DMTF1: variants seen among roughly 807,000 people sequenced by gnomAD.
The protein encoded by DMTF1 is cyclin-D-binding Myb-like transcription factor 1.
In DMTF1, 39 loss-of-function variants were observed where a neutral mutation model predicts 91.1. The ratio of observed to expected loss-of-function variants is 0.43; its 90% CI spans 0.33 to 0.56. DMTF1 has a LOEUF of 0.56. DMTF1 is among the 20% of genes least tolerant of loss of function. DMTF1 has a pLI of 0.05. For synonymous variants in DMTF1, 338 were observed against 309.5 expected (o/e 1.09, Z -0.97); for missense variants, 750 against 914.5 (o/e 0.82, Z 2.32).
chr7:87,194,978 A>G, intron 17 of DMTF1, 53 bp from the exon 18 acceptor site: 3 of 1,508,454 alleles, frequency 2.0e-6, no homozygotes, highest in Non-Finnish European at 2.7e-6. Flanking sequence ...AATTCTTGAC[A>G]TGGATTAGAG....
intron 12 of DMTF1, chr7:87,186,869 A>G (rs1316312437): frequency 1.3e-5 from 2 of 152,174 alleles, no homozygotes; most frequent in East Asian, 3.9e-4. Context: ...ATTGATGACT[A>G]TATTTTTATT....
chr7:87,183,100 T>C (rs868867952), intron 10 of DMTF1, among the ~76,000 whole-genome samples: 1 of 152,160 alleles, frequency 6.6e-6, no homozygotes, highest in African/African-American at 2.4e-5. Flanking sequence ...AAAAAAAATT[T>C]CTGAAGTTTA....
chr7:87,156,420 TAAAAC>T (rs1790739845), intron 1 of DMTF1, among the ~76,000 whole-genome samples: 1 of 152,264 alleles, frequency 6.6e-6, no homozygotes, highest in South Asian at 2.1e-4. Context: ...TTTACCATCT[TAAAAC>T]CAAGCCATAG....
rs1794986842 is a variant in DMTF1 at position 87,171,177 on chromosome 7, A to G, written c.327+88A>G. 12 of 879,506 alleles carry G rather than the reference A, an allele frequency of 1.4e-5. No homozygotes were observed. In the South Asian group the frequency reaches 1.9e-4, roughly 14 times the overall value. 54.5% of individuals were successfully genotyped at this position (879,506 alleles called of 1,614,324 possible). A position where few individuals can be genotyped will look rare whatever the true frequency, so the allele number is the denominator to read the frequency against. The stretch of plus-strand genomic sequence containing the variant: ...AATGATGAGAAACCTCAGCCTCCCA[A>G]GTAGCGAGGACTACTGGCACATGCC... On this transcript the variant is annotated intron_variant, in intron 5 of 17. Transcript: ENST00000331242.
chr7:87,194,551 CCTTAA>C (rs1326616202), intron 16 of DMTF1, 128 bp from the exon 17 acceptor site: 72 of 621,290 alleles, frequency 1.2e-4, no homozygotes, highest in Admixed American at 3.8e-4. Context: ...CCCTGTGAGA[CCTTAA>C]CTTTTTATTT....
intron 14 of DMTF1, 96 bp downstream of exon 14, chr7:87,191,123 C>A: frequency 2.5e-6 from 2 of 785,558 alleles, no homozygotes; most frequent in South Asian, 1.8e-5. Flanking sequence ...TCATAAAAGT[C>A]TGAGGCCAAA....
At position 87,190,957 on chromosome 7, in the gene DMTF1, C is replaced by G; in HGVS notation, c.1424C>G (p.Ser475Cys). The change falls in exon 14 of 18, where the codon TCT (serine) becomes TGT (cysteine). Residue 475 changes from serine to cysteine, a missense_variant. Physicochemically the swap from Ser to Cys is moderately radical, Grantham distance 112. Transcript: ENST00000331242. ...ATTCTTACCACAGCTTCAGCAGACT[C>G]TCCTGCTACCGTTGACTCAGAAACA... ...VQITHVSSADSPATVDSETIT... is the reference protein window; with the variant it reads ...VQITHVSSADCPATVDSETIT... The G allele has an allele frequency of 6.2e-7, 1 of 1,609,698 alleles. No homozygotes were observed. The highest frequency in any genetic ancestry group is 8.5e-7 in the Non-Finnish European group (1 of 1,177,446).
intron 1 of DMTF1, among the ~76,000 whole-genome samples, chr7:87,161,942 CT>C (rs1284833967): frequency 6.6e-6 from 1 of 152,016 alleles, no homozygotes; most frequent in Non-Finnish European, 1.5e-5. Context: ...TTGTCATATC[CT>C]TTGATTTAAC....
At position 87,193,904 on chromosome 7, in the gene DMTF1, C is replaced by T. The variant is rs1800516474; in HGVS notation, c.1830C>T (p.Asp610=). ...AGCCTCCAGACGCCCTAGAAGCAGACACTTTCCCAGATGAAATTCATCACC... is the reference window on the plus strand; with the variant it reads ...AGCCTCCAGACGCCCTAGAAGCAGATACTTTCCCAGATGAAATTCATCACC... ...FPEPPDALEA[D]TFPDEIHHPK... The change falls in exon 16 of 18, where the codon GAC becomes GAT. Residue 610 remains aspartate (D), a synonymous_variant. Transcript: ENST00000331242. 3 of 1,613,306 alleles carry T rather than the reference C, an allele frequency of 1.9e-6. No individual in the cohort carries two copies. Among genetic ancestry groups the T allele is most frequent in the Admixed American group, 1.7e-5 (1 of 59,908 alleles).
In DMTF1 at chr7:87,185,968, G is replaced by A. The variant is rs1307898813; in HGVS notation, c.1189G>A (p.Val397Ile). The change falls in exon 12 of 18, where the codon GTT becomes ATT. Residue 397 changes from valine to isoleucine, a missense_variant. Physicochemically the swap from Val to Ile is conservative, Grantham distance 29 (BLOSUM62 3). This residue lies in a region of DMTF1 where 190 missense variants were observed against 343.8 expected (regional missense o/e 0.55). Transcript: ENST00000331242. ...IKRQIANHKD[V>I]SFPVLIKGLK... ...AAGGCAAATTGCAAACCATAAGGATGTTTCGTTCCCTGGTAATGTATTACT... is the reference window on the plus strand; with the variant it reads ...AAGGCAAATTGCAAACCATAAGGATATTTCGTTCCCTGGTAATGTATTACT... 3.7e-6 allele frequency: 6 copies of A among 1,613,744 alleles called. No individual in the cohort carries two copies. Among genetic ancestry groups the A allele is most frequent in the Admixed American group, 3.3e-5 (2 of 60,000 alleles).
chr7:87,192,981 G>C (rs774894966), intron 14 of DMTF1: 1 of 523,206 alleles, frequency 1.9e-6, no homozygotes, highest in Non-Finnish European at 3.4e-6. Flanking sequence ...GAAACAAATA[G>C]CTGAGACCAG....
chr7:87,156,656 G>A (rs1363902883), intron 1 of DMTF1, among the ~76,000 whole-genome samples: 1 of 152,096 alleles, frequency 6.6e-6, no homozygotes, highest in East Asian at 1.9e-4. Flanking sequence ...CCTCTTGTCT[G>A]ACAGCCCTCT....
intron 16 of DMTF1, 196 bp downstream of exon 16, chr7:87,194,298 A>G (rs933342016): frequency 2.4e-5 from 14 of 586,854 alleles, no homozygotes; most frequent in Middle Eastern, 4.5e-4. Context: ...ACCATGTTCT[A>G]TCTTACCACA....
chr7:87,170,637 A>T (rs1794847820), intron 4 of DMTF1, among the ~76,000 whole-genome samples: 1 of 152,150 alleles, frequency 6.6e-6, no homozygotes, highest in Non-Finnish European at 1.5e-5. Context: ...AAAATTTCAA[A>T]TACTATCCTC....
At chr7:87,186,038 G>A in intron 12 of DMTF1, 58 bp downstream of exon 12, 2 of 1,583,364 alleles carry the variant, frequency 1.3e-6, no homozygotes, top group Non-Finnish European at 1.7e-6. Flanking sequence ...TTACTCCTTA[G>A]GAGTGAGAGG....
At chr7:87,192,210 C>T (rs1333824138) in intron 14 of DMTF1, among the ~76,000 whole-genome samples, 1 of 151,880 alleles carries the variant, frequency 6.6e-6, no homozygotes, top group Non-Finnish European at 1.5e-5. Flanking sequence ...TAATAGTACT[C>T]CAGCTTCAAA....
chr7:87,173,703 G>C, intron 6 of DMTF1, 54 bp downstream of exon 6: 1 of 1,133,910 alleles, frequency 8.8e-7, no homozygotes. Context: ...GAGATAGAAA[G>C]GGCTTATAGT....
chr7:87,193,326 T>C lies in DMTF1; in HGVS notation c.1623T>C (p.Pro541=), dbSNP rs373113344. 56 of 1,613,280 alleles carry C rather than the reference T, an allele frequency of 3.5e-5. No homozygotes were observed. The highest frequency in any genetic ancestry group is 4.7e-5 in the Non-Finnish European group (56 of 1,179,556). The part of the protein sequence containing the change: ...VTLTAAAPAS[P]EQIIVHALSP... ...TGACAGCTGCTGCTCCTGCTTCTCC[T>C]GAACAGATTATTGTTCATGCTTTAT... Residue 541 remains proline (P), a synonymous_variant, in exon 15 of 18, where the codon CCT becomes CCC. Coordinates refer to ENST00000331242, the MANE Select transcript of DMTF1 (RefSeq NM_001142327.2).
intron 1 of DMTF1, among the ~76,000 whole-genome samples, chr7:87,153,504 T>C (rs1169520334): frequency 1.1e-4 from 16 of 152,200 alleles, no homozygotes; most frequent in Non-Finnish European, 1.5e-5. Flanking sequence ...CATATGTCTT[T>C]ATATAAAATA....
Sources: allele counts gnomAD v4.1 joint callset (sites outside exome capture counted in the v4.1 genomes callset), GRCh38; gene constraint gnomAD v4.1.1; regional missense constraint gnomAD v4.1.1; transcripts MANE v1.5; gene names NCBI Gene and HGNC (gene_info 2026-07-23, HGNC 2026-07-21).